The following PCP4L1 variants were observed in gnomAD, a reference collection of about 807,000 sequenced individuals.
The protein encoded by PCP4L1 is Purkinje cell protein 4-like protein 1.
PCP4L1 carries 9 observed loss-of-function variants against 9.6 expected under a neutral mutation model. That is an observed-to-expected ratio of 0.94 (90% confidence interval 0.57 to 1.64). The LOEUF is 1.64. PCP4L1 is among the 40% of genes most tolerant of loss of function. The pLI, the probability that PCP4L1 is intolerant of heterozygous loss-of-function variation, is 0.00. For synonymous variants in PCP4L1, 31 were observed against 28.2 expected (o/e 1.10, Z -0.31); for missense variants, 81 against 80.8 (o/e 1.00, Z -0.01).
At chr1:161,270,981 T>A (rs146787982) in intron 1 of PCP4L1, among the ~76,000 whole-genome samples, 1 of 152,186 alleles carries the variant, frequency 6.6e-6, no homozygotes, top group Non-Finnish European at 1.5e-5. Context: ...GCCTCACCAG[T>A]CATTAATTCA....
intron 1 of PCP4L1, among the ~76,000 whole-genome samples, chr1:161,262,433 CAAAAAAAAAAA>C (rs539872397): frequency 3.2e-5 from 2 of 63,162 alleles, no homozygotes; most frequent in South Asian, 6.7e-4. Flanking sequence ...GACTCCATCT[CAAAAAAAAAAA>C]AAAAAAAAAA....
At chr1:161,270,850 G>A (rs1266141087) in intron 1 of PCP4L1, among the ~76,000 whole-genome samples, 1 of 118,718 alleles carries the variant, frequency 8.4e-6, no homozygotes, top group Non-Finnish European at 1.8e-5. Context: ...ACTCCAGCCT[G>A]GTGATTGATA....
intron 1 of PCP4L1, among the ~76,000 whole-genome samples, chr1:161,262,469 A>G (rs1669435760): frequency 6.7e-6 from 1 of 149,498 alleles, no homozygotes; most frequent in Admixed American, 6.7e-5. Flanking sequence ...AATGCCTTCT[A>G]CCTCTGGAAA....
chr1:161,280,884 CG>C (rs1258781750), intron 1 of PCP4L1, among the ~76,000 whole-genome samples: 1 of 151,414 alleles, frequency 6.6e-6, no homozygotes, highest in African/African-American at 2.4e-5. Context: ...GGGTGTTTCT[CG>C]CAGAGGGGGA....
rs1399541316 is a variant in PCP4L1 at position 161,284,522 on chromosome 1, C to T, written c.*41C>T. ...CTTCACCTTCACCTTCATGCTGGTC[C>T]CTTCTCTCCCCTTCTCCACACCCAT... On this transcript the variant is annotated 3_prime_UTR_variant, in exon 3 of 3. Coordinates refer to ENST00000504449, the MANE Select transcript of PCP4L1 (RefSeq NM_001102566.2). 2 of 1,588,592 alleles carry T rather than the reference C, an allele frequency of 1.3e-6. No homozygotes were observed. Among genetic ancestry groups the T allele is most frequent in the Non-Finnish European group, 1.7e-6 (2 of 1,167,054 alleles).
At chr1:161,280,540 G>A (rs1488687411) in intron 1 of PCP4L1, among the ~76,000 whole-genome samples, 4 of 152,124 alleles carry the variant, frequency 2.6e-5, no homozygotes, top group African/African-American at 9.7e-5. Flanking sequence ...ATTTGCTGCT[G>A]CAATTCCTCT....
intron 1 of PCP4L1, among the ~76,000 whole-genome samples, chr1:161,275,025 C>A (rs1264538986): frequency 6.6e-6 from 1 of 152,004 alleles, no homozygotes; most frequent in Admixed American, 6.6e-5. Flanking sequence ...GTGGGGGGAC[C>A]AGATGGCAGC....
chr1:161,275,145 A>G (rs1469624163), intron 1 of PCP4L1, among the ~76,000 whole-genome samples: 1 of 152,146 alleles, frequency 6.6e-6, no homozygotes, highest in Admixed American at 6.6e-5. Context: ...CCTGACACAC[A>G]TTCCTGCTTA....
intron 1 of PCP4L1, among the ~76,000 whole-genome samples, chr1:161,277,923 G>A (rs1230310928): frequency 6.6e-6 from 1 of 152,126 alleles, no homozygotes. Context: ...TTCTACGTCT[G>A]CCACCTTTCC....
At position 161,276,946 on chromosome 1, in the gene PCP4L1, T is replaced by TC. The variant is rs545255419; in HGVS notation, c.10-6722_10-6721insC. Among the ~76,000 whole-genome samples the TC allele has an allele frequency of 2.4e-4, 37 of 152,280 alleles. No homozygotes were observed. In the South Asian group the frequency reaches 7.2e-3, roughly 30 times the overall value. ...CCCCTAATGTTTTATTGGAACCATT[T>TC]ACCAGAAATGAAAGAATAGTTCAAG... On this transcript the variant is annotated intron_variant, in intron 1 of 2. Transcript: ENST00000504449.
chr1:161,280,257 G>T (rs1288529512), intron 1 of PCP4L1, among the ~76,000 whole-genome samples: 2 of 151,914 alleles, frequency 1.3e-5, no homozygotes, highest in Non-Finnish European at 2.9e-5. Flanking sequence ...CTTGCGCCAG[G>T]GCCTATAAGC....
At chr1:161,270,044 C>T (rs1669597052) in intron 1 of PCP4L1, among the ~76,000 whole-genome samples, 1 of 150,172 alleles carries the variant, frequency 6.7e-6, no homozygotes, top group Non-Finnish European at 1.5e-5. Flanking sequence ...CGCCTGTAAT[C>T]CTAGCATTTT....
intron 1 of PCP4L1, among the ~76,000 whole-genome samples, chr1:161,264,478 C>T (rs3123551): frequency 1.3e-5 from 2 of 152,070 alleles, no homozygotes; most frequent in African/African-American, 4.8e-5. Flanking sequence ...GATAGCACCA[C>T]TGCACTCCAG....
In PCP4L1 at chr1:161,258,855, T is replaced by C; in HGVS notation, c.-120T>C. 1.4e-6 allele frequency: 2 copies of C among 1,429,486 alleles called. No homozygotes were observed. Among genetic ancestry groups the C allele is most frequent in the Non-Finnish European group, 1.9e-6 (2 of 1,051,182 alleles). The allele number at this position is 1,429,486 out of a possible 1,614,324, so 88.6% of individuals were successfully genotyped here. A position where few individuals can be genotyped will look rare whatever the true frequency, so the allele number is the denominator to read the frequency against. On this transcript the variant is annotated 5_prime_UTR_variant, in exon 1 of 3. Coordinates refer to ENST00000504449, the MANE Select transcript of PCP4L1 (RefSeq NM_001102566.2). ...GCTCTCCGCACTAACTCTCCTCTCC[T>C]GGTCAGCTGTAACCCCTGCCGCAGA...
intron 1 of PCP4L1, among the ~76,000 whole-genome samples, chr1:161,274,652 G>A (rs1467001059): frequency 6.6e-6 from 1 of 152,224 alleles, no homozygotes; most frequent in Non-Finnish European, 1.5e-5. Flanking sequence ...AAGATAAACA[G>A]GAGGGTTGAG....
intron 1 of PCP4L1, among the ~76,000 whole-genome samples, chr1:161,271,942 G>C (rs1438874411): frequency 6.6e-6 from 1 of 151,626 alleles, no homozygotes; most frequent in Non-Finnish European, 1.5e-5. Flanking sequence ...CGAGTAGCTG[G>C]GACTACAGGT....
intron 1 of PCP4L1, among the ~76,000 whole-genome samples, chr1:161,266,868 A>G (rs946680500): frequency 1.7e-4 from 26 of 152,160 alleles, no homozygotes; most frequent in Non-Finnish European, 3.1e-4. Context: ...TGCTCCAAAA[A>G]CAGCAGTCTA....
intron 1 of PCP4L1, among the ~76,000 whole-genome samples, chr1:161,271,780 G>T (rs999590597): frequency 6.6e-6 from 1 of 151,852 alleles, no homozygotes; most frequent in Non-Finnish European, 1.5e-5. Flanking sequence ...GGGATGACAA[G>T]TGTGAGCCAC....
At chr1:161,279,803 G>GT (rs1395933939) in intron 1 of PCP4L1, among the ~76,000 whole-genome samples, 1 of 152,220 alleles carries the variant, frequency 6.6e-6, no homozygotes, top group Non-Finnish European at 1.5e-5. Flanking sequence ...AGATGAAGTA[G>GT]CCTTATTAAT....
Sources: gnomAD v4.1 joint callset for allele counts (sites outside exome capture counted in the v4.1 genomes callset) on GRCh38, gnomAD v4.1.1 for gene constraint, MANE v1.5 for transcripts, NCBI Gene and HGNC (gene_info 2026-07-23, HGNC 2026-07-21) for gene names.